RALB: variants seen among roughly 807,000 people sequenced by gnomAD.
RALB encodes the protein ras-related protein Ral-B.
In RALB, 16 loss-of-function variants were observed where a neutral mutation model predicts 21.3. The observed-to-expected ratio is 0.75, with a 90% CI of 0.51 to 1.14. The LOEUF is 1.14. Ranked by LOEUF, RALB falls within the 50% of genes most tolerant of loss-of-function variation. The pLI is 0.00. For synonymous variants in RALB, 93 were observed against 96.1 expected (o/e 0.97, Z 0.19); for missense variants, 161 against 256.2 (o/e 0.63, Z 2.54).
At chr2:120,273,772 G>A (rs1298639817) in intron 1 of RALB, among the ~76,000 whole-genome samples, 4 of 152,228 alleles carry the variant, frequency 2.6e-5, no homozygotes, top group Non-Finnish European at 5.9e-5. Context: ...TTCACCCAAA[G>A]TCTGGAGGTT....
At chr2:120,260,723 A>G (rs1475777004) in intron 1 of RALB, among the ~76,000 whole-genome samples, 2 of 152,252 alleles carry the variant, frequency 1.3e-5, no homozygotes, top group Non-Finnish European at 2.9e-5. Flanking sequence ...AAGGGGCCCT[A>G]TACAGGCCTG....
intron 1 of RALB, among the ~76,000 whole-genome samples, chr2:120,244,073 A>G (rs754114460): frequency 6.6e-6 from 1 of 152,212 alleles, no homozygotes. Flanking sequence ...ACATCTTCAC[A>G]TGGCAACAGG....
At chr2:120,258,777 T>C (rs1689263681) in intron 1 of RALB, among the ~76,000 whole-genome samples, 1 of 152,236 alleles carries the variant, frequency 6.6e-6, no homozygotes, top group Admixed American at 6.5e-5. Flanking sequence ...GACTTCCAGG[T>C]CCCTGGCTTT....
In RALB at chr2:120,293,943, G is replaced by T; in HGVS notation, c.*683G>T. ...TGTGTTGGTTATTTTTCTCCTGTAA[G>T]CATCCTGATTTTTCTGTAGGAACTT... On this transcript the variant is annotated 3_prime_UTR_variant, in exon 5 of 5. Transcript: ENST00000272519. 2.5e-6 allele frequency: 1 copy of T among 392,924 alleles called. No homozygotes were observed. Among genetic ancestry groups the T allele is most frequent in the Non-Finnish European group, 4.5e-6 (1 of 223,134 alleles). 24.3% of individuals were successfully genotyped at this position (392,924 alleles called of 1,614,324 possible). A position where few individuals can be genotyped will look rare whatever the true frequency, so the allele number is the denominator to read the frequency against.
intron 2 of RALB, among the ~76,000 whole-genome samples, chr2:120,285,087 C>T (rs1184122178): frequency 2.0e-5 from 3 of 152,072 alleles, no homozygotes; most frequent in African/African-American, 7.2e-5. Context: ...GGTGTATAGC[C>T]TCTTTTCTTC....
chr2:120,265,348 G>C, intron 1 of RALB, among the ~76,000 whole-genome samples: 1 of 152,230 alleles, frequency 6.6e-6, no homozygotes, highest in Non-Finnish European at 1.5e-5. Flanking sequence ...CGAAACGTAG[G>C]AAAGGCCCAG....
At chr2:120,264,260 C>T (rs186949912) in intron 1 of RALB, among the ~76,000 whole-genome samples, 176 of 152,180 alleles carry the variant, frequency 1.2e-3, no homozygotes, top group African/African-American at 4.1e-3. Context: ...AAGCAATTCT[C>T]CCTGCCTCAG....
intron 1 of RALB, among the ~76,000 whole-genome samples, chr2:120,258,296 A>G (rs921546912): frequency 5.3e-5 from 8 of 152,078 alleles, no homozygotes; most frequent in Non-Finnish European, 7.4e-5. Flanking sequence ...TGCTGCAGAT[A>G]GCTGTGAAGG....
chr2:120,266,192 G>A, intron 1 of RALB, among the ~76,000 whole-genome samples: 1 of 152,188 alleles, frequency 6.6e-6, no homozygotes, highest in Non-Finnish European at 1.5e-5. Context: ...AGGCAGGAGA[G>A]TCACTTGAGG....
intron 1 of RALB, among the ~76,000 whole-genome samples, chr2:120,263,410 G>A (rs1265522268): frequency 1.3e-5 from 2 of 151,926 alleles, no homozygotes; most frequent in African/African-American, 2.4e-5. Flanking sequence ...CTGCTTCTTT[G>A]GCCTCCCAAA....
chr2:120,243,331 G>A (rs1365264842), intron 1 of RALB, among the ~76,000 whole-genome samples: 7 of 152,234 alleles, frequency 4.6e-5, no homozygotes, highest in African/African-American at 1.7e-4. Context: ...AAGTCCAGAG[G>A]CTATGGCTGG....
chr2:120,285,884 A>C lies in RALB; in HGVS notation c.125A>C (p.Asp42Ala). 6.2e-7 allele frequency: 1 copy of C among 1,612,734 alleles called. No homozygotes were observed. The highest frequency in any genetic ancestry group is 8.5e-7 in the Non-Finnish European group (1 of 1,178,780). Residue 42 changes from aspartate to alanine, a missense_variant, in exon 3 of 5, where the codon GAC (aspartate) becomes GCC (alanine). Transcript: ENST00000272519. ...TGTTTATTTCCTCAGTTTGTAGAAG[A>C]CTATGAACCTACCAAAGCTGACAGT... The part of the protein sequence containing the change: ...LQFMYDEFVE[D>A]YEPTKADSYR...
chr2:120,289,240 T>TC (rs1367938986), intron 3 of RALB, among the ~76,000 whole-genome samples: 4 of 93,874 alleles, frequency 4.3e-5, no homozygotes, highest in African/African-American at 1.3e-4. Context: ...TTTTTCTTCT[T>TC]TTTGTTTTTT....
chr2:120,258,015 T>C (rs983037296), intron 1 of RALB, among the ~76,000 whole-genome samples: 2 of 152,244 alleles, frequency 1.3e-5, no homozygotes, highest in African/African-American at 4.8e-5. Context: ...CATTGTTGTC[T>C]CCTTAGTCCC....
intron 4 of RALB, among the ~76,000 whole-genome samples, chr2:120,290,054 A>G (rs529072422): frequency 6.6e-6 from 1 of 152,184 alleles, no homozygotes; most frequent in African/African-American, 2.4e-5. Flanking sequence ...ACCAGGCTGG[A>G]GTGGTGTGAT....
chr2:120,251,814 G>C (rs1689062251), upstream of RALB, among the ~76,000 whole-genome samples: 1 of 152,144 alleles, frequency 6.6e-6, no homozygotes, highest in African/African-American at 2.4e-5. Flanking sequence ...GCACTTTTTT[G>C]TTAAGTTGGT....
Position 120,293,406 on chromosome 2 carries a change from G to A in RALB, c.*146G>A, listed in dbSNP as rs1690352404. 1 of 843,966 alleles carries A rather than the reference G, an allele frequency of 1.2e-6. No individual in the cohort carries two copies. The highest frequency in any genetic ancestry group is 1.7e-6 in the Non-Finnish European group (1 of 602,614). The allele number at this position is 843,966 out of a possible 1,614,324, so 52.3% of individuals were successfully genotyped here. ...CTTCTTTAAATGGGGAAAAATATTT[G>A]TGACTCTGTGGCTGGCAGAAGAAAT... is the stretch of plus-strand genomic sequence containing the variant. On this transcript the variant is annotated 3_prime_UTR_variant, in exon 5 of 5. Coordinates refer to ENST00000272519, the MANE Select transcript of RALB (RefSeq NM_002881.3).
chr2:120,241,845 T>C (rs546928942), intron 1 of RALB, among the ~76,000 whole-genome samples: 31 of 152,344 alleles, frequency 2.0e-4, no homozygotes, highest in African/African-American at 7.5e-4. Context: ...GCAGTTGCTA[T>C]GGAAAACAAT....
chr2:120,278,171 G>C (rs570189349), intron 1 of RALB, among the ~76,000 whole-genome samples: 1 of 152,096 alleles, frequency 6.6e-6, no homozygotes, highest in Non-Finnish European at 1.5e-5. Flanking sequence ...TGTGCGTGTT[G>C]TGGGGTAGAG....
Sources: allele counts gnomAD v4.1 joint callset (sites outside exome capture counted in the v4.1 genomes callset), GRCh38; gene constraint gnomAD v4.1.1; transcripts MANE v1.5; gene names NCBI Gene and HGNC (gene_info 2026-07-23, HGNC 2026-07-21).